Variants in AFF3 observed in about 807,000 individuals in gnomAD.
The protein encoded by AFF3 is ALF transcription elongation factor 3.
A neutral mutation model predicts 129.7 loss-of-function variants in AFF3; 32 were observed. The observed-to-expected ratio is 0.25, with a 90% CI of 0.19 to 0.33. The LOEUF (loss-of-function observed/expected upper bound fraction) is 0.33, where lower values mean the gene tolerates loss of function less well. Among genes scored for constraint, AFF3 ranks in the 10% least tolerant of loss-of-function variants. AFF3 has a pLI of 1.00. For missense variants in AFF3, 1,373 were observed against 1,592.0 expected (o/e 0.86, Z 2.34); for synonymous variants, 644 against 635.4 (o/e 1.01, Z -0.20).
At chr2:100,046,962 C>T (rs1193047014) in intron 4 of AFF3, among the ~76,000 whole-genome samples, 3 of 148,802 alleles carry the variant, frequency 2.0e-5, no homozygotes, top group Non-Finnish European at 4.5e-5. Flanking sequence ...CTCCTCTTAA[C>T]AGCCAAAAAA....
At chr2:100,090,398 T>C (rs1689754892) in intron 4 of AFF3, among the ~76,000 whole-genome samples, 2 of 152,230 alleles carry the variant, frequency 1.3e-5, no homozygotes, top group Admixed American at 6.5e-5. Context: ...AGAGGTTTTA[T>C]GGAGTATACA....
intron 12 of AFF3, among the ~76,000 whole-genome samples, chr2:99,659,807 A>G (rs1686068064): frequency 6.6e-6 from 1 of 152,080 alleles, no homozygotes; most frequent in African/African-American, 2.4e-5. Context: ...TGCTTGGACA[A>G]TGGATCAAGT....
At chr2:99,792,492 C>CAAA (rs1462524805) in intron 8 of AFF3, among the ~76,000 whole-genome samples, 2 of 25,158 alleles carry the variant, frequency 7.9e-5, no homozygotes, top group Admixed American at 7.4e-4. Context: ...CAAAACAAAA[C>CAAA]AAAAACAAAC....
intron 12 of AFF3, among the ~76,000 whole-genome samples, chr2:99,658,581 A>G (rs972513019): frequency 2.0e-5 from 3 of 152,278 alleles, no homozygotes; most frequent in African/African-American, 7.2e-5. Context: ...ATAATTTTAT[A>G]CTAACATTTA....
chr2:99,879,510 C>A (rs78188166), intron 7 of AFF3, among the ~76,000 whole-genome samples: 2,021 of 152,262 alleles, frequency 0.013, 43 homozygotes, highest in African/African-American at 0.046. Flanking sequence ...CAGCAAGCAA[C>A]CTTTGTAGAA....
chr2:99,626,316 CCCTT>C (rs147534863), intron 13 of AFF3, among the ~76,000 whole-genome samples: 53,370 of 147,700 alleles, frequency 0.36, 9,942 homozygotes, highest in Non-Finnish European at 0.4. Flanking sequence ...CTGCCTCCCT[CCCTT>C]CCTTCCTTCC....
chr2:99,763,252 G>A (rs1360103781), intron 8 of AFF3, among the ~76,000 whole-genome samples: 3 of 152,146 alleles, frequency 2.0e-5, no homozygotes, highest in African/African-American at 7.2e-5. Flanking sequence ...TCAGAACTAG[G>A]AAGTCACACT....
chr2:99,582,977 T>C lies in AFF3; in HGVS notation c.2614A>G (p.Asn872Asp). 1 of 1,614,112 alleles carries C rather than the reference T, an allele frequency of 6.2e-7. No homozygotes were observed. Among genetic ancestry groups the C allele is most frequent in the Admixed American group, 1.7e-5 (1 of 60,024 alleles). Reference protein sequence around the residue: ...INSVAIPINKNEKMLRSPISP... With the variant: ...INSVAIPINKDEKMLRSPISP... ...ATGGGCGACCGAAGCATTTTTTCAT[T>C]TTTATTTATTGGTATTGCCACACTG... Residue 872 changes from asparagine to aspartate, a missense_variant, in exon 17 of 25, where the codon AAT (asparagine) becomes GAT (aspartate). Transcript: ENST00000672756.
chr2:99,992,859 G>A (rs1192409593), intron 7 of AFF3, among the ~76,000 whole-genome samples: 1 of 152,184 alleles, frequency 6.6e-6, no homozygotes, highest in Non-Finnish European at 1.5e-5. Flanking sequence ...TGCCTAGTCT[G>A]GACACATGGT....
chr2:99,899,143 A>G (rs2106132726), intron 7 of AFF3, among the ~76,000 whole-genome samples: 1 of 152,340 alleles, frequency 6.6e-6, no homozygotes, highest in East Asian at 1.9e-4. Flanking sequence ...AAAATACTGA[A>G]TAGATAAGAA....
intron 7 of AFF3, among the ~76,000 whole-genome samples, chr2:99,942,693 G>A (rs1042373890): frequency 1.3e-5 from 2 of 151,946 alleles, no homozygotes; most frequent in Non-Finnish European, 2.9e-5. Context: ...TCAGAGAGGA[G>A]CTTTGATTGT....
intron 11 of AFF3, among the ~76,000 whole-genome samples, chr2:99,725,516 G>C (rs774954949): frequency 1.1e-4 from 17 of 152,190 alleles, no homozygotes; most frequent in South Asian, 4.2e-4. Context: ...TTTTAGTAGA[G>C]ACGAGGTTTT....
At position 99,837,516 on chromosome 2, in the gene AFF3, T is replaced by G. The variant is rs926212509; in HGVS notation, c.882A>C (p.Arg294Ser). The stretch of plus-strand genomic sequence containing the variant: ...CAACACAGCTGTTGGTTTCTCCAGA[T>G]CTACTCTCCTGAAAGCAAAGAAAAA... ...FSIPKQGEESRSGETNSCVEE... is the reference protein window; with the variant it reads ...FSIPKQGEESSSGETNSCVEE... The change falls in exon 8 of 25, where the codon AGA becomes AGC. Residue 294 changes from arginine (R) to serine (S), a missense_variant. Physicochemically the swap from Arg to Ser is moderately radical, Grantham distance 110. Coordinates refer to ENST00000672756, the MANE Select transcript of AFF3 (RefSeq NM_001386135.1). 2 of 1,613,688 alleles carry G rather than the reference T, an allele frequency of 1.2e-6. No homozygotes were observed. Among genetic ancestry groups the G allele is most frequent in the Non-Finnish European group, 1.7e-6 (2 of 1,179,866 alleles).
At chr2:99,621,513 T>C (rs1466645743) in intron 13 of AFF3, among the ~76,000 whole-genome samples, 2 of 152,216 alleles carry the variant, frequency 1.3e-5, no homozygotes, top group Non-Finnish European at 2.9e-5. Context: ...TTTTCTGCCA[T>C]GAAGAATGGT....
intron 11 of AFF3, among the ~76,000 whole-genome samples, chr2:99,701,623 G>A (rs1676872982): frequency 6.6e-6 from 1 of 152,202 alleles, no homozygotes; most frequent in Admixed American, 6.5e-5. Context: ...GTCGAAACCA[G>A]GAAACTGACA....
intron 4 of AFF3, among the ~76,000 whole-genome samples, chr2:100,042,733 A>G (rs1685539439): frequency 1.3e-5 from 2 of 152,224 alleles, no homozygotes; most frequent in Admixed American, 6.5e-5. Flanking sequence ...TAGGCTGGGA[A>G]AGCTCTCTGA....
At chr2:99,798,297 TAACTC>T (rs1685691135) in intron 8 of AFF3, among the ~76,000 whole-genome samples, 1 of 151,654 alleles carries the variant, frequency 6.6e-6, no homozygotes, top group South Asian at 2.1e-4. Context: ...AACAAAAAAA[TAACTC>T]AATGCAAAAG....
At chr2:99,715,173 T>C (rs1678265240) in intron 11 of AFF3, among the ~76,000 whole-genome samples, 1 of 152,242 alleles carries the variant, frequency 6.6e-6, no homozygotes, top group South Asian at 2.1e-4. Context: ...CTGGCTGGCA[T>C]CTCTGGAGTA....
chr2:99,986,920 G>A (rs928697871), intron 7 of AFF3, among the ~76,000 whole-genome samples: 15 of 152,222 alleles, frequency 9.9e-5, no homozygotes, highest in African/African-American at 3.1e-4. Flanking sequence ...GAAACAAGTG[G>A]TGGTTGTTAA....
Sources: allele counts gnomAD v4.1 joint callset (sites outside exome capture counted in the v4.1 genomes callset), GRCh38; gene constraint gnomAD v4.1.1; transcripts MANE v1.5; gene names NCBI Gene and HGNC (gene_info 2026-07-23, HGNC 2026-07-21).